Variants in LRCH2 observed in about 807,000 individuals in gnomAD.
The protein encoded by LRCH2 is leucine-rich repeat and calponin homology domain-containing protein 2.
In LRCH2, 38 loss-of-function variants were observed where a neutral mutation model predicts 68.9. That is an observed-to-expected ratio of 0.55 (90% CI 0.43 to 0.72). LRCH2 has a LOEUF of 0.72. Among genes scored for constraint, LRCH2 ranks in the 30% least tolerant of loss-of-function variants. The probability of loss-of-function intolerance (pLI) is 0.00; values close to 1 mark genes in which losing one functional copy is unlikely to be tolerated. For missense variants in LRCH2, 528 were observed against 572.9 expected (o/e 0.92, Z 0.80); for synonymous variants, 191 against 208.1 (o/e 0.92, Z 0.71).
chrX:115,179,509 T>C lies in LRCH2; in HGVS notation c.782A>G (p.Glu261Gly). The C allele has an allele frequency of 8.7e-7, 1 of 1,150,775 alleles. No individual in the cohort carries two copies. Among genetic ancestry groups the C allele is most frequent in the Non-Finnish European group, 1.2e-6 (1 of 865,367 alleles). 94.8% of individuals were successfully genotyped at this position (1,150,775 alleles called of 1,213,427 possible). A position where few individuals can be genotyped will look rare whatever the true frequency, so the allele number is the denominator to read the frequency against. The change falls in exon 5 of 21, where the codon GAA becomes GGA. Residue 261 changes from glutamate (E) to glycine (G), a missense_variant. Physicochemically the swap from Glu to Gly is moderately conservative, Grantham distance 98 (BLOSUM62 -2). Coordinates refer to ENST00000317135, the MANE Select transcript of LRCH2 (RefSeq NM_020871.4). ...KLDFSCNKVT[E>G]IPVCYRKLHH... ...CAGCTTTCTGTAACAAACTGGAATT[T>C]CGGTCACTTTATTACAAGAGAAATC...
chrX:115,124,089 C>T, intron 16 of LRCH2, 87 bp from the exon 17 acceptor site: 2 of 481,570 alleles, frequency 4.2e-6, no homozygotes, highest in Non-Finnish European at 6.3e-6. Flanking sequence ...CACATCCATT[C>T]CAATTTGGGG....
At chrX:115,146,413 TA>T (rs1490597096) in intron 14 of LRCH2, among the ~76,000 whole-genome samples, 14 of 110,742 alleles carry the variant, frequency 1.3e-4, no homozygotes, top group African/African-American at 3.9e-4. Context: ...CATCTCAAAA[TA>T]ACTAAGAGTA....
At chrX:115,186,964 G>A (rs2072736882) in intron 2 of LRCH2, among the ~76,000 whole-genome samples, 2 of 109,734 alleles carry the variant, frequency 1.8e-5, no homozygotes, top group South Asian at 4.0e-4. Context: ...GACTACAGGC[G>A]CCCACCACCA....
chrX:115,130,787 T>C (rs142547128), intron 14 of LRCH2, among the ~76,000 whole-genome samples: 224 of 112,167 alleles, frequency 2.0e-3, no homozygotes, highest in Non-Finnish European at 3.2e-3. Context: ...CTGATTTAAA[T>C]GTCTTACATG....
In LRCH2 at chrX:115,185,319, A is replaced by G. The variant is rs73580128; in HGVS notation, c.495-782T>C. ...TGCAGATGAAGAAATAGTCACAAAG[A>G]GTTTAAGTAAACTGCTCAAAGTCAC... is the stretch of plus-strand genomic sequence containing the variant. On this transcript the variant is annotated intron_variant, in intron 2 of 20. Coordinates refer to ENST00000317135, the MANE Select transcript of LRCH2 (RefSeq NM_020871.4). Among the ~76,000 whole-genome samples the G allele has an allele frequency of 8.5e-3, 951 of 111,753 alleles. 9 individuals carry two copies. The highest frequency in any genetic ancestry group is 0.029 in the African/African-American group (894 of 30,732).
chrX:115,231,024 A>G (rs1222434435), intron 1 of LRCH2, among the ~76,000 whole-genome samples: 1 of 111,093 alleles, frequency 9.0e-6, no homozygotes, highest in Non-Finnish European at 1.9e-5. Context: ...GGTCTATTTC[A>G]TCTTAATGTA....
intron 1 of LRCH2, among the ~76,000 whole-genome samples, chrX:115,198,903 A>C: frequency 8.9e-6 from 1 of 112,123 alleles, no homozygotes; most frequent in Non-Finnish European, 1.9e-5. Context: ...TAAAAGCCAG[A>C]AGAGAAGGGA....
At chrX:115,215,567 T>C (rs782692964) in intron 1 of LRCH2, among the ~76,000 whole-genome samples, 5 of 109,369 alleles carry the variant, frequency 4.6e-5, no homozygotes, top group African/African-American at 6.7e-5. Context: ...GCCAACGTGA[T>C]GAAACCCCGT....
chrX:115,142,577 G>T (rs1556534678), intron 14 of LRCH2, among the ~76,000 whole-genome samples: 1 of 111,907 alleles, frequency 8.9e-6, no homozygotes, highest in Non-Finnish European at 1.9e-5. Flanking sequence ...TGAATGACCA[G>T]TGGGTCAATG....
At chrX:115,167,242 CTTT>C (rs1364244267) in intron 6 of LRCH2, among the ~76,000 whole-genome samples, 7 of 30,528 alleles carry the variant, frequency 2.3e-4, no homozygotes, top group Non-Finnish European at 4.3e-4. Context: ...CAAAAAAAAA[CTTT>C]TTTTTGTACT....
intron 14 of LRCH2, among the ~76,000 whole-genome samples, chrX:115,131,254 C>G (rs1303302310): frequency 2.3e-5 from 2 of 85,121 alleles, no homozygotes; most frequent in Admixed American, 1.2e-4. Context: ...AATCCCTCCC[C>G]CCCCCTCCAC....
intron 7 of LRCH2, 34 bp from the exon 8 acceptor site, chrX:115,165,986 AT>A: frequency 2.1e-6 from 2 of 971,783 alleles, no homozygotes; most frequent in Non-Finnish European, 2.9e-6. Flanking sequence ...CAAATGAGGC[AT>A]TTTAAACTTA....
At chrX:115,160,554 A>G (rs1556541197) in intron 11 of LRCH2, among the ~76,000 whole-genome samples, 1 of 111,551 alleles carries the variant, frequency 9.0e-6, no homozygotes, top group Non-Finnish European at 1.9e-5. Context: ...GTCCTGGATG[A>G]TATTTCCTGG....
intron 14 of LRCH2, among the ~76,000 whole-genome samples, chrX:115,149,048 C>T (rs928196834): frequency 2.0e-4 from 22 of 111,463 alleles, no homozygotes; most frequent in Non-Finnish European, 4.1e-4. Context: ...GATGAAATTA[C>T]TATTATCATC....
chrX:115,145,331 T>C lies in LRCH2; in HGVS notation c.1695+4496A>G, dbSNP rs1556535654. Among the ~76,000 whole-genome samples the C allele has an allele frequency of 4.5e-5, 5 of 111,563 alleles. No homozygotes were observed. The Admixed American group carries it at 4.8e-4, about 11-fold the overall frequency. On this transcript the variant is annotated intron_variant, in intron 14 of 20. Coordinates refer to ENST00000317135, the MANE Select transcript of LRCH2 (RefSeq NM_020871.4). ...TAAGGACTTAAATCTAAGACTTCAA[T>C]CTATAAAACTGCTATAAGAAAACAT...
At chrX:115,175,943 A>T (rs2072643254) in intron 5 of LRCH2, among the ~76,000 whole-genome samples, 1 of 112,077 alleles carries the variant, frequency 8.9e-6, no homozygotes, top group Non-Finnish European at 1.9e-5. Flanking sequence ...TTGGTCAGTC[A>T]GAAGTATAGG....
chrX:115,137,791 A>G (rs2072302174), intron 14 of LRCH2, among the ~76,000 whole-genome samples: 1 of 110,812 alleles, frequency 9.0e-6, no homozygotes, highest in Admixed American at 9.6e-5. Flanking sequence ...TCTACTAAAA[A>G]TACAAAAATC....
chrX:115,189,356 C>T, intron 1 of LRCH2: 1 of 1,016,824 alleles, frequency 9.8e-7, no homozygotes, highest in Non-Finnish European at 1.3e-6. Context: ...GTAGGAGCCG[C>T]CCTCCACGAG....
intron 3 of LRCH2, among the ~76,000 whole-genome samples, chrX:115,183,825 C>A (rs375822324): frequency 8.9e-6 from 1 of 112,434 alleles, no homozygotes; most frequent in Non-Finnish European, 1.9e-5. Context: ...AGCTTCGAGG[C>A]TCTGAATATG....
Sources: allele counts gnomAD v4.1 joint callset (sites outside exome capture counted in the v4.1 genomes callset), GRCh38; gene constraint gnomAD v4.1.1; transcripts MANE v1.5; gene names NCBI Gene and HGNC (gene_info 2026-07-23, HGNC 2026-07-21).